The following SLC38A4 variants were observed in gnomAD, a reference collection of about 807,000 sequenced individuals.
SLC38A4 encodes sodium-coupled neutral amino acid transporter 4.
SLC38A4 carries 20 observed loss-of-function variants against 63.1 expected under a neutral mutation model. That is an observed-to-expected ratio of 0.32 (90% CI 0.22 to 0.46). The LOEUF is 0.46. SLC38A4 is among the 20% of genes least tolerant of loss of function. SLC38A4 has a pLI of 1.00. For synonymous variants in SLC38A4, 230 were observed against 225.5 expected (o/e 1.02, Z -0.18); for missense variants, 526 against 663.6 (o/e 0.79, Z 2.28).
intron 2 of SLC38A4, among the ~76,000 whole-genome samples, chr12:46,797,058 T>A (rs1378506194): frequency 6.6e-6 from 1 of 152,178 alleles, no homozygotes; most frequent in Non-Finnish European, 1.5e-5. Flanking sequence ...TCACAGTTTT[T>A]GTGGTTTGTC....
intron 1 of SLC38A4, among the ~76,000 whole-genome samples, chr12:46,814,464 G>C (rs937610815): frequency 4.6e-5 from 7 of 152,042 alleles, no homozygotes; most frequent in Non-Finnish European, 8.8e-5. Context: ...GCAGATTTGG[G>C]GGGTTGGTTG....
In SLC38A4 at chr12:46,766,077, G is replaced by A. The variant is rs1938292458; in HGVS notation, c.*624C>T. The A allele has an allele frequency of 5.6e-6, 1 of 177,528 alleles. No homozygotes were observed. The highest frequency in any genetic ancestry group is 1.2e-5 in the Non-Finnish European group (1 of 83,218). 11.0% of individuals were successfully genotyped at this position (177,528 alleles called of 1,614,324 possible). ...GTTTTAACATTTACAAAAATCTATT[G>A]AATATAGAAGTCACAACTCAATGTC... is the stretch of plus-strand genomic sequence containing the variant. On this transcript the variant is annotated 3_prime_UTR_variant, in exon 17 of 17. Coordinates refer to ENST00000266579, the MANE Select transcript of SLC38A4 (RefSeq NM_018018.5).
At chr12:46,784,694 T>A in intron 6 of SLC38A4, 60 bp from the exon 7 acceptor site, 2 of 1,323,002 alleles carry the variant, frequency 1.5e-6, no homozygotes, top group Non-Finnish European at 2.1e-6. Context: ...AAAATATTTT[T>A]GTCATATAAT....
chr12:46,764,931 G>C lies in SLC38A4; in HGVS notation c.*1770C>G, dbSNP rs1302045338. On this transcript the variant is annotated 3_prime_UTR_variant, in exon 17 of 17. Coordinates refer to ENST00000266579, the MANE Select transcript of SLC38A4 (RefSeq NM_018018.5). ...AAGCTATCATATGTATGTCTGCCCTGCAGTATATATGAATTTTAATCCTGG... is the reference window on the plus strand; with the variant it reads ...AAGCTATCATATGTATGTCTGCCCTCCAGTATATATGAATTTTAATCCTGG... 4 of 152,538 alleles carry C rather than the reference G, an allele frequency of 2.6e-5. No homozygotes were observed. The highest frequency in any genetic ancestry group is 2.1e-4 in the South Asian group (1 of 4,830). The allele number at this position is 152,538 out of a possible 1,614,324, so 9.4% of individuals were successfully genotyped here.
chr12:46,800,099 C>T (rs1939099106), intron 2 of SLC38A4, among the ~76,000 whole-genome samples: 1 of 152,124 alleles, frequency 6.6e-6, no homozygotes, highest in Non-Finnish European at 1.5e-5. Context: ...TGTTTGCCAT[C>T]TCAGAACATG....
At position 46,768,340 on chromosome 12, in the gene SLC38A4, T is replaced by G; in HGVS notation, c.1512A>C (p.Lys504Asn). The change falls in exon 16 of 17, where the codon AAA becomes AAC. Residue 504 changes from lysine to asparagine, a missense_variant. Lys to Asn is a moderately conservative substitution (Grantham distance 94, BLOSUM62 0). Transcript: ENST00000266579. ...PAVFYLKLVK[K>N]ETFRSPQKVG... ...CCTTTTGGGGTGACCTAAAAGTTTC[T>G]TTCTTGACAAGTTTAAGATAAAAAA... 6.2e-7 allele frequency: 1 copy of G among 1,611,550 alleles called. No homozygotes were observed. Among genetic ancestry groups the G allele is most frequent in the Non-Finnish European group, 8.5e-7 (1 of 1,178,478 alleles).
chr12:46,824,364 G>C (rs1388348414), intron 1 of SLC38A4: 1 of 152,066 alleles, frequency 6.6e-6, no homozygotes, highest in Non-Finnish European at 1.5e-5. Context: ...AAATGAAGAT[G>C]GAGTGTATAC....
chr12:46,772,164 T>C (rs894508116), intron 14 of SLC38A4, among the ~76,000 whole-genome samples: 5 of 151,642 alleles, frequency 3.3e-5, no homozygotes, highest in African/African-American at 9.7e-5. Context: ...TCCCATTGTT[T>C]AGACGTAGCT....
intron 7 of SLC38A4, among the ~76,000 whole-genome samples, chr12:46,783,925 C>A (rs779123827): frequency 6.6e-6 from 1 of 151,710 alleles, no homozygotes; most frequent in Admixed American, 6.6e-5. Context: ...AACACACCAA[C>A]GAGAGAACAT....
chr12:46,826,202 G>A (rs369198660), upstream of SLC38A4, among the ~76,000 whole-genome samples: 19 of 152,236 alleles, frequency 1.2e-4, no homozygotes, highest in East Asian at 2.7e-3. Context: ...ATTAAATTAT[G>A]CCAAAACAAA....
rs1592171251 is a variant in SLC38A4, at chr12:46,764,918, GTA to G, written c.*1781_*1782del. 6.5e-6 allele frequency: 1 copy of G among 152,684 alleles called. No individual in the cohort carries two copies. The highest frequency in any genetic ancestry group is 1.9e-4 in the East Asian group (1 of 5,188). The allele number at this position is 152,684 out of a possible 1,614,324, so 9.5% of individuals were successfully genotyped here. A position where few individuals can be genotyped will look rare whatever the true frequency, so the allele number is the denominator to read the frequency against. Reference sequence around the variant, plus strand: ...AATTAATCAGCACAAGCTATCATATGTATGTCTGCCCTGCAGTATATATGAAT... The same window carrying G: ...AATTAATCAGCACAAGCTATCATATGTGTCTGCCCTGCAGTATATATGAAT... On this transcript the variant is annotated 3_prime_UTR_variant, in exon 17 of 17. Coordinates refer to ENST00000266579, the MANE Select transcript of SLC38A4 (RefSeq NM_018018.5).
At chr12:46,800,070 T>C (rs1015945400) in intron 2 of SLC38A4, among the ~76,000 whole-genome samples, 30 of 152,180 alleles carry the variant, frequency 2.0e-4, no homozygotes, top group Non-Finnish European at 4.4e-4. Flanking sequence ...AAAATTTTCA[T>C]AGGCATAGAT....
intron 1 of SLC38A4, among the ~76,000 whole-genome samples, chr12:46,811,164 G>A (rs1025321790): frequency 6.6e-6 from 1 of 151,846 alleles, no homozygotes; most frequent in African/African-American, 2.4e-5. Flanking sequence ...TTTATGCTAG[G>A]GGCTAAGGCA....
upstream of SLC38A4, among the ~76,000 whole-genome samples, chr12:46,830,283 T>TTCTCTC (rs142069074): frequency 1.0e-3 from 152 of 148,068 alleles, no homozygotes; most frequent in African/African-American, 3.0e-3. Flanking sequence ...ATTTAAGAAA[T>TTCTCTC]TCTCTCTCTC....
chr12:46,815,353 C>G (rs1939423343), intron 1 of SLC38A4, among the ~76,000 whole-genome samples: 1 of 149,610 alleles, frequency 6.7e-6, no homozygotes, highest in South Asian at 2.1e-4. Context: ...TTCCTTTTAT[C>G]TCTTGAGTAG....
At chr12:46,808,950 T>C (rs1432197559) in intron 1 of SLC38A4, among the ~76,000 whole-genome samples, 2 of 152,032 alleles carry the variant, frequency 1.3e-5, no homozygotes, top group Admixed American at 1.3e-4. Context: ...CTGGGTTGAC[T>C]CTCTAGTTCA....
chr12:46,821,001 T>C (rs1939534655), intron 1 of SLC38A4, among the ~76,000 whole-genome samples: 1 of 152,078 alleles, frequency 6.6e-6, no homozygotes, highest in Non-Finnish European at 1.5e-5. Flanking sequence ...TTCAAGTCCT[T>C]CGATCCTTTT....
intron 2 of SLC38A4, among the ~76,000 whole-genome samples, chr12:46,798,910 C>T (rs1939072735): frequency 6.6e-6 from 1 of 152,104 alleles, no homozygotes; most frequent in Non-Finnish European, 1.5e-5. Context: ...AAAGCCTAAT[C>T]AGGGAACAGG....
upstream of SLC38A4, among the ~76,000 whole-genome samples, chr12:46,826,954 C>T (rs185030629): frequency 1.3e-5 from 2 of 152,284 alleles, no homozygotes; most frequent in East Asian, 3.8e-4. Flanking sequence ...TGTTTTCTTT[C>T]TTCCTTCATT....
Sources: gnomAD v4.1 joint callset for allele counts (sites outside exome capture counted in the v4.1 genomes callset) on GRCh38, gnomAD v4.1.1 for gene constraint, MANE v1.5 for transcripts, NCBI Gene and HGNC (gene_info 2026-07-23, HGNC 2026-07-21) for gene names.